SCUBE2: variants seen among roughly 807,000 people sequenced by gnomAD.
SCUBE2 encodes signal peptide, CUB domain and EGF like domain containing 2, also known as signal peptide, CUB and EGF-like domain-containing protein 2.
Under a neutral mutation model 125.9 loss-of-function variants are expected in SCUBE2, and 114 were observed. The ratio of observed to expected loss-of-function variants is 0.91; its 90% CI spans 0.78 to 1.06. The LOEUF (loss-of-function observed/expected upper bound fraction) is 1.06, where lower values mean the gene tolerates loss of function less well. SCUBE2 is among the 50% of genes least tolerant of loss of function. SCUBE2 has a pLI of 0.00. For synonymous variants in SCUBE2, 459 were observed against 492.9 expected, an observed-to-expected ratio of 0.93 and a Z score of 0.91; for missense variants, 1,255 against 1,301.8, an observed-to-expected ratio of 0.96 and a Z score of 0.55.
At chr11:9,041,770 G>A (rs1179440441) in intron 16 of SCUBE2, among the ~76,000 whole-genome samples, 1 of 152,190 alleles carries the variant, frequency 6.6e-6, no homozygotes, top group Admixed American at 6.5e-5. Context: ...ACAGAAATGA[G>A]GCAGTAGCTA....
chr11:9,023,878 A>G (rs928094383), intron 21 of SCUBE2, among the ~76,000 whole-genome samples: 1 of 152,228 alleles, frequency 6.6e-6, no homozygotes, highest in Non-Finnish European at 1.5e-5. Flanking sequence ...AGCCCCAGCT[A>G]CAGTTCTCAC....
intron 3 of SCUBE2, among the ~76,000 whole-genome samples, chr11:9,076,155 C>T (rs901853770): frequency 6.6e-6 from 1 of 151,914 alleles, no homozygotes; most frequent in Non-Finnish European, 1.5e-5. Flanking sequence ...GAGCCAAAGG[C>T]GGGAGTGTGG....
At chr11:9,075,201 C>A (rs1861119960) in intron 3 of SCUBE2, among the ~76,000 whole-genome samples, 1 of 73,736 alleles carries the variant, frequency 1.4e-5, no homozygotes. Flanking sequence ...AGCGAGACGC[C>A]ATCTAAAAAA....
intron 10 of SCUBE2, among the ~76,000 whole-genome samples, chr11:9,054,715 A>AT (rs1564822982): frequency 1.5e-5 from 1 of 67,582 alleles, no homozygotes; most frequent in African/African-American, 6.1e-5. Context: ...ATATATATAT[A>AT]TATATATATA....
At chr11:9,041,308 G>A (rs1351461943) in intron 16 of SCUBE2, among the ~76,000 whole-genome samples, 1 of 152,158 alleles carries the variant, frequency 6.6e-6, no homozygotes, top group African/African-American at 2.4e-5. Context: ...TGGGACAAAG[G>A]AGCTGGAGAG....
rs758787585 is a variant in SCUBE2 at position 9,055,800 on chromosome 11, G to T, written c.1200C>A (p.His400Gln). The stretch of plus-strand genomic sequence containing the variant: ...CAGGGGCAGTCTGCTCACCTCCACA[G>T]TGGGTGAAGCCATACAGGGTGTACC... Reference protein sequence around the residue: ...NRGYTLYGFTHCGDTNECSIN... With the variant: ...NRGYTLYGFTQCGDTNECSIN... Residue 400 changes from histidine to glutamine, a missense_variant, in exon 10 of 23, where the codon CAC becomes CAA. By Grantham distance (24) the His-to-Gln change is conservative. Coordinates refer to ENST00000649792, the MANE Select transcript of SCUBE2 (RefSeq NM_001367977.2). 1 of 1,613,698 alleles carries T rather than the reference G, an allele frequency of 6.2e-7. No homozygotes were observed. The highest frequency in any genetic ancestry group is 2.2e-5 in the East Asian group (1 of 44,868).
Position 9,089,694 on chromosome 11 carries a change from C to G in SCUBE2, c.256+13G>C, listed in dbSNP as rs768627836. On this transcript the variant is annotated intron_variant, in intron 2 of 22. Coordinates refer to ENST00000649792, the MANE Select transcript of SCUBE2 (RefSeq NM_001367977.2). ...TCCCTACAGTCCCCCCACATGGTCC[C>G]CAAGGCACTTACCCTCACACTGCCT... 5.6e-6 allele frequency: 9 copies of G among 1,612,646 alleles called. No homozygotes were observed. In the East Asian group the frequency reaches 1.8e-4, roughly 32 times the overall value.
rs1463385348 is a variant in SCUBE2, at chr11:9,079,419, C to T, written c.347G>A (p.Gly116Asp). Residue 116 changes from glycine (G) to aspartate (D), a missense_variant, in exon 3 of 23, where the codon GGC becomes GAC. By Grantham distance (94) the Gly-to-Asp change is moderately conservative. Coordinates refer to ENST00000649792, the MANE Select transcript of SCUBE2 (RefSeq NM_001367977.2). ...PGNYRCTCFD[G>D]FMLAHDGHNC... ...ATGACCGTCATGAGCCAACATGAAG[C>T]CATCAAAACAAGTGCAACGATAATT... is the stretch of plus-strand genomic sequence containing the variant. The T allele has an allele frequency of 1.6e-5, 26 of 1,613,930 alleles. No individual in the cohort carries two copies. The highest frequency in any genetic ancestry group is 2.2e-5 in the Non-Finnish European group (26 of 1,179,974).
rs1369688972 is a variant in SCUBE2 at position 9,029,921 on chromosome 11, A to G, written c.2466T>C (p.Thr822=). 3 of 1,614,116 alleles carry G rather than the reference A, an allele frequency of 1.9e-6. No individual in the cohort carries two copies. Among genetic ancestry groups the G allele is most frequent in the Non-Finnish European group, 2.5e-6 (3 of 1,180,050 alleles). The change falls in exon 19 of 23, where the codon ACT becomes ACC. Residue 822 remains threonine, a synonymous_variant. Transcript: ENST00000649792. ...NCVSCPGNTT[T]DFDGSTNITQ... is the part of the protein sequence containing the mutation. Reference sequence around the variant, plus strand: ...TTATGTTTGTGGAGCCATCAAAGTCAGTCGTAGTATTTCCTGGGCAAGAAA... The same window carrying G: ...TTATGTTTGTGGAGCCATCAAAGTCGGTCGTAGTATTTCCTGGGCAAGAAA...
chr11:9,034,039 T>C (rs893493732), intron 16 of SCUBE2, among the ~76,000 whole-genome samples: 6 of 152,218 alleles, frequency 3.9e-5, no homozygotes, highest in Non-Finnish European at 8.8e-5. Flanking sequence ...TCCTTGAGAA[T>C]AGGGATCACA....
At chr11:9,060,575 C>G (rs1282172531) in intron 7 of SCUBE2, 51 bp from the exon 8 acceptor site, 5 of 1,497,674 alleles carry the variant, frequency 3.3e-6, no homozygotes, top group Admixed American at 3.4e-5. Flanking sequence ...AGTGCTGATA[C>G]AGCTGACGAA....
chr11:9,091,586 G>T lies in SCUBE2; in HGVS notation c.-58C>A. The stretch of plus-strand genomic sequence containing the variant: ...GAGTGCGGGCGGTGGCGGCGGCGGC[G>T]CGGGGAGGTGTGCGCGGACGCCCTG... On this transcript the variant is annotated 5_prime_UTR_variant, in exon 1 of 23. Transcript: ENST00000649792. This position sits in a 1 kb window ranked among gnomAD's most constrained non-coding sequence, Gnocchi z 8.5. 2.9e-6 allele frequency: 1 copy of T among 342,076 alleles called. No individual in the cohort carries two copies. Among genetic ancestry groups the T allele is most frequent in the Non-Finnish European group, 4.8e-6 (1 of 209,694 alleles). 21.2% of individuals were successfully genotyped at this position (342,076 alleles called of 1,614,324 possible).
At chr11:9,060,365 T>C (rs1461957053) in intron 8 of SCUBE2, 43 bp downstream of exon 8, 2 of 1,483,346 alleles carry the variant, frequency 1.3e-6, no homozygotes, top group East Asian at 2.3e-5. Flanking sequence ...GGGCCCTCCC[T>C]CCATAACAGG....
chr11:9,089,005 G>A (rs1438657104), intron 2 of SCUBE2, among the ~76,000 whole-genome samples: 14 of 152,194 alleles, frequency 9.2e-5, no homozygotes, highest in Non-Finnish European at 1.5e-5. Context: ...CAGCTCCAAT[G>A]TGTCATGATT....
intron 3 of SCUBE2, among the ~76,000 whole-genome samples, chr11:9,076,276 C>T (rs1409356314): frequency 6.6e-6 from 1 of 151,958 alleles, no homozygotes; most frequent in African/African-American, 2.4e-5. Flanking sequence ...AAGGAGCCAG[C>T]AGAGAGGTAG....
chr11:9,041,460 G>A (rs553257040), intron 16 of SCUBE2, among the ~76,000 whole-genome samples: 1 of 152,312 alleles, frequency 6.6e-6, no homozygotes, highest in East Asian at 1.9e-4. Context: ...ACCGGAACCA[G>A]CATTGAAAAT....
rs1859562990 is a variant in SCUBE2 at position 9,060,465 on chromosome 11, C to T, written c.910G>A (p.Val304Ile). ...DRTCKDTSTG[V>I]HCSCPVGFTL... ...AATCCAACAGGACAACTGCAGTGGACACCTGTCGAAGTATCCTTACAGGTG... is the reference window on the plus strand; with the variant it reads ...AATCCAACAGGACAACTGCAGTGGATACCTGTCGAAGTATCCTTACAGGTG... Residue 304 changes from valine to isoleucine, a missense_variant, in exon 8 of 23, where the codon GTC (valine) becomes ATC (isoleucine). Val to Ile is a conservative substitution (Grantham distance 29). This residue lies in a region of SCUBE2 where 378 missense variants were observed against 463.1 expected (regional missense o/e 0.82). Coordinates refer to ENST00000649792, the MANE Select transcript of SCUBE2 (RefSeq NM_001367977.2). The T allele has an allele frequency of 6.2e-7, 1 of 1,614,134 alleles. No individual in the cohort carries two copies.
chr11:9,059,574 A>T, intron 8 of SCUBE2, 149 bp from the exon 9 acceptor site: 1 of 1,041,730 alleles, frequency 9.6e-7, no homozygotes, highest in Non-Finnish European at 1.3e-6. Flanking sequence ...GATGTTTTTA[A>T]CCTTATACAT....
At chr11:9,054,414 A>G (rs1291578642) in intron 10 of SCUBE2, among the ~76,000 whole-genome samples, 3 of 151,882 alleles carry the variant, frequency 2.0e-5, no homozygotes, top group African/African-American at 4.8e-5. Flanking sequence ...AAACTCTACC[A>G]TCCTTCTGAG....
Sources: allele counts gnomAD v4.1 joint callset (sites outside exome capture counted in the v4.1 genomes callset), GRCh38; gene constraint gnomAD v4.1.1; regional missense constraint gnomAD v4.1.1; non-coding constraint Gnocchi (gnomAD v3.1); transcripts MANE v1.5; gene names NCBI Gene and HGNC (gene_info 2026-07-23, HGNC 2026-07-21).